Variants in CCDC171 observed in about 807,000 individuals in gnomAD.
The protein encoded by CCDC171 is coiled-coil domain containing 171.
In CCDC171, 177 loss-of-function variants were observed where a neutral mutation model predicts 168.2. That is an observed-to-expected ratio of 1.05 (90% CI 0.93 to 1.19). CCDC171 has a LOEUF of 1.19. Ranked by LOEUF, CCDC171 falls within the 50% of genes most tolerant of loss-of-function variation. The probability of loss-of-function intolerance (pLI) is 0.00; values close to 1 mark genes in which losing one functional copy is unlikely to be tolerated. For missense variants in CCDC171, 1,991 were observed against 1,539.0 expected (o/e 1.29, Z -4.91); for synonymous variants, 687 against 540.8 (o/e 1.27, Z -3.75).
rs146620305 is a variant in CCDC171 at position 15,648,953 on chromosome 9, C to T, written c.823-8174C>T. Among the ~76,000 whole-genome samples, 250 of 152,154 alleles carry T rather than the reference C, an allele frequency of 1.6e-3. 1 individual carries two copies. The East Asian group carries it at 0.041, about 25-fold the overall frequency. ...CCGCATTGCCAAGACAATCCTAAGC[C>T]GAAAGAACAAAGCTAGAGGCATCAT... On this transcript the variant is annotated intron_variant, in intron 7 of 25. Coordinates refer to ENST00000380701, the MANE Select transcript of CCDC171 (RefSeq NM_173550.4).
chr9:16,095,390 T>G, the CCDC171 span, among the ~76,000 whole-genome samples: 1 of 152,142 alleles, frequency 6.6e-6, no homozygotes, highest in Non-Finnish European at 1.5e-5. Context: ...ACCAGTTCTT[T>G]CCCCTACTCC....
chr9:15,693,368 T>C (rs914101786), intron 10 of CCDC171, among the ~76,000 whole-genome samples: 2 of 152,186 alleles, frequency 1.3e-5, no homozygotes, highest in African/African-American at 4.8e-5. Context: ...TGAATCCTAA[T>C]TGATTTTTCT....
At chr9:16,076,927 A>C in the CCDC171 span, among the ~76,000 whole-genome samples, 1 of 152,312 alleles carries the variant, frequency 6.6e-6, no homozygotes, top group Admixed American at 6.5e-5. Context: ...CTCGCTCAAC[A>C]TGGATTCATT....
chr9:15,560,077 T>C (rs2039153156), intron 1 of CCDC171, among the ~76,000 whole-genome samples: 1 of 152,196 alleles, frequency 6.6e-6, no homozygotes, highest in East Asian at 1.9e-4. Context: ...TCTTCTGGCT[T>C]GTAGAGTTTC....
chr9:16,059,356 A>T (rs1357140178), intron 1 of CCDC171, among the ~76,000 whole-genome samples: 2 of 152,130 alleles, frequency 1.3e-5, no homozygotes, highest in African/African-American at 4.8e-5. Flanking sequence ...ACTACGGCCC[A>T]ATTAGAGGCA....
chr9:16,092,896 C>T, the CCDC171 span, among the ~76,000 whole-genome samples: 73 of 152,322 alleles, frequency 4.8e-4, no homozygotes, highest in African/African-American at 1.7e-3. Context: ...GAGCCTCGTG[C>T]CCGGCTGGCC....
chr9:15,768,733 ATTATT>A (rs1421909782), intron 18 of CCDC171, among the ~76,000 whole-genome samples: 3 of 152,174 alleles, frequency 2.0e-5, no homozygotes, highest in Non-Finnish European at 4.4e-5. Flanking sequence ...CTATAGATAC[ATTATT>A]TTAATTATTC....
intron 7 of CCDC171, among the ~76,000 whole-genome samples, chr9:15,630,133 A>C (rs1279672104): frequency 6.6e-6 from 1 of 152,200 alleles, no homozygotes; most frequent in Non-Finnish European, 1.5e-5. Flanking sequence ...TGAGCAAAAT[A>C]ACCAGCTAAC....
intron 25 of CCDC171, among the ~76,000 whole-genome samples, chr9:15,931,510 C>G: frequency 2.3e-5 from 1 of 44,126 alleles, no homozygotes; most frequent in South Asian, 7.8e-4. Flanking sequence ...CTTATATATT[C>G]TGGATATTAA....
At chr9:15,631,601 A>G (rs1008134664) in intron 7 of CCDC171, among the ~76,000 whole-genome samples, 7 of 152,162 alleles carry the variant, frequency 4.6e-5, no homozygotes, top group South Asian at 2.1e-4. Context: ...ACAAGGAGGA[A>G]CTGGTACCAT....
chr9:15,815,926 A>C lies in CCDC171; in HGVS notation c.3268-30776A>C, dbSNP rs992900799. Reference sequence around the variant, plus strand: ...AGGTCAGAGAAAAAGAATTAAGAAAACAATAGCTCTCAGACCACTTTTTAA... The same window carrying C: ...AGGTCAGAGAAAAAGAATTAAGAAACCAATAGCTCTCAGACCACTTTTTAA... On this transcript the variant is annotated intron_variant, in intron 21 of 25. Transcript: ENST00000380701. 5.1e-5 allele frequency among the ~76,000 whole-genome samples: 6 copies of C among 117,764 alleles called. 2 individuals are homozygous for C. The highest frequency in any genetic ancestry group is 1.1e-4 in the Non-Finnish European group (6 of 52,408). 77.3% of individuals were successfully genotyped at this position (117,764 alleles called of 152,430 possible). A position where few individuals can be genotyped will look rare whatever the true frequency, so the allele number is the denominator to read the frequency against.
intron 11 of CCDC171, among the ~76,000 whole-genome samples, chr9:15,700,850 C>A (rs1000519605): frequency 6.6e-6 from 1 of 151,918 alleles, no homozygotes; most frequent in Non-Finnish European, 1.5e-5. Context: ...TTTACATTCC[C>A]ACCAACAATG....
chr9:15,631,812 C>T (rs925508715), intron 7 of CCDC171, among the ~76,000 whole-genome samples: 2 of 152,192 alleles, frequency 1.3e-5, no homozygotes, highest in African/African-American at 4.8e-5. Context: ...CATCAAAAAG[C>T]TTATCCACCA....
rs541973147 is a variant in CCDC171, at chr9:15,916,785, T to C, written c.3601-3485T>C. Reference sequence around the variant, plus strand: ...TTTATGTTTGAATTCCCTCGTCTTATTACTGTCAATTATAAACACTATAGA... The same window carrying C: ...TTTATGTTTGAATTCCCTCGTCTTACTACTGTCAATTATAAACACTATAGA... On this transcript the variant is annotated intron_variant, in intron 24 of 25. Coordinates refer to ENST00000380701, the MANE Select transcript of CCDC171 (RefSeq NM_173550.4). Among the ~76,000 whole-genome samples the C allele has an allele frequency of 2.6e-5, 4 of 152,160 alleles. No homozygotes were observed. In the South Asian group the frequency reaches 8.3e-4, roughly 31 times the overall value.
chr9:16,089,393 C>T, the CCDC171 span, among the ~76,000 whole-genome samples: 31 of 151,916 alleles, frequency 2.0e-4, no homozygotes, highest in Admixed American at 1.0e-3. Context: ...TAGATCCCAT[C>T]TGTCAATTTT....
rs1437944146 is a variant in CCDC171 at position 15,729,696 on chromosome 9, G to T, written c.1947G>T (p.Val649=). 4.3e-6 allele frequency: 7 copies of T among 1,613,356 alleles called. No individual in the cohort carries two copies. The highest frequency in any genetic ancestry group is 4.5e-5 in the East Asian group (2 of 44,872). The change falls in exon 16 of 26, where the codon GTG becomes GTT. Residue 649 remains valine, a synonymous_variant. Transcript: ENST00000380701. The stretch of plus-strand genomic sequence containing the variant: ...CTCAGGAAGACACCTTTACCAAAGT[G>T]GCAGAACAGATCAAAGCCCAAGAGA... The part of the protein sequence containing the change: ...QQTQEDTFTK[V]AEQIKAQESC...
intron 21 of CCDC171, among the ~76,000 whole-genome samples, chr9:15,820,927 A>G (rs2059746256): frequency 8.5e-6 from 1 of 117,356 alleles, no homozygotes; most frequent in African/African-American, 3.2e-5. Context: ...CATTGATGCA[A>G]AAATCCTCAA....
chr9:15,828,083 G>A (rs1251731108), intron 21 of CCDC171, among the ~76,000 whole-genome samples: 1 of 152,152 alleles, frequency 6.6e-6, no homozygotes, highest in African/African-American at 2.4e-5. Flanking sequence ...AAGATTAATA[G>A]TACTGCTAAC....
In CCDC171 at chr9:15,971,461, A is replaced by G. The variant is rs1447915672; in HGVS notation, c.3754-148A>G. On this transcript the variant is annotated intron_variant, in intron 25 of 25. Coordinates refer to ENST00000380701, the MANE Select transcript of CCDC171 (RefSeq NM_173550.4). The stretch of plus-strand genomic sequence containing the variant: ...ACTTGATAAATAATTTACTATTTAT[A>G]TATTCTCATGTAGATTATTGAAATA... The G allele has an allele frequency of 1.6e-5, 9 of 566,984 alleles. No individual in the cohort carries two copies. In the Admixed American group the frequency reaches 2.2e-4, roughly 14 times the overall value. 35.1% of individuals were successfully genotyped at this position (566,984 alleles called of 1,614,324 possible).
Sources: gnomAD v4.1 joint callset for allele counts (sites outside exome capture counted in the v4.1 genomes callset) on GRCh38, gnomAD v4.1.1 for gene constraint, MANE v1.5 for transcripts, NCBI Gene and HGNC (gene_info 2026-07-23, HGNC 2026-07-21) for gene names.